The following MDGA2 variants were observed in gnomAD, a reference collection of about 807,000 sequenced individuals.
MDGA2 encodes the protein MAM domain containing glycosylphosphatidylinositol anchor 2.
A neutral mutation model predicts 117.8 loss-of-function variants in MDGA2; 40 were observed. The observed-to-expected ratio is 0.34, with a 90% confidence interval of 0.26 to 0.44. The LOEUF is 0.44. Among genes scored for constraint, MDGA2 ranks in the 20% least tolerant of loss-of-function variants. The pLI is 1.00. For synonymous variants in MDGA2, 452 were observed against 439.0 expected (o/e 1.03, Z -0.37); for missense variants, 1,123 against 1,250.6 (o/e 0.90, Z 1.54).
intron 1 of MDGA2, among the ~76,000 whole-genome samples, chr14:47,625,983 G>C (rs950931400): frequency 6.6e-6 from 1 of 152,146 alleles, no homozygotes; most frequent in Non-Finnish European, 1.5e-5. Context: ...TCCAGTCTCT[G>C]TTAATTCCAA....
At chr14:47,453,610 C>T (rs551121729) in intron 1 of MDGA2, among the ~76,000 whole-genome samples, 1 of 152,214 alleles carries the variant, frequency 6.6e-6, no homozygotes, top group African/African-American at 2.4e-5. Flanking sequence ...CAACTCTAAT[C>T]CTCATCTATG....
intron 1 of MDGA2, among the ~76,000 whole-genome samples, chr14:47,390,003 T>C (rs1238031647): frequency 6.6e-6 from 1 of 152,164 alleles, no homozygotes; most frequent in Non-Finnish European, 1.5e-5. Flanking sequence ...CCCATGGAAG[T>C]AGAGGACAGG....
chr14:47,585,938 G>C (rs1338567657), intron 1 of MDGA2, among the ~76,000 whole-genome samples: 2 of 151,798 alleles, frequency 1.3e-5, no homozygotes, highest in African/African-American at 4.8e-5. Flanking sequence ...GAAGGCCTCT[G>C]ACTGGTCAGC....
rs1227414928 is a variant in MDGA2 at position 47,346,954 on chromosome 14, T to A, written c.281-45404A>T. 3.3e-5 allele frequency among the ~76,000 whole-genome samples: 5 copies of A among 152,216 alleles called. No homozygotes were observed. In the South Asian group the frequency reaches 6.2e-4, roughly 19 times the overall value. ...TTTTTAAGAAAGGCTGAAAAAAACT[T>A]GGTACCTATCTGAAAATGGAAAGAT... is the stretch of plus-strand genomic sequence containing the variant. On this transcript the variant is annotated intron_variant, in intron 1 of 16. Coordinates refer to ENST00000399232, the MANE Select transcript of MDGA2 (RefSeq NM_001113498.3).
chr14:46,867,092 T>C lies in MDGA2; in HGVS notation c.2752+6341A>G, dbSNP rs183765544. Among the ~76,000 whole-genome samples, 532 of 152,230 alleles carry C rather than the reference T, an allele frequency of 3.5e-3. 5 individuals carry two copies. The highest frequency in any genetic ancestry group is 0.012 in the African/African-American group (507 of 41,552). ...ATGCTGCTATAAAGACGCATGCACA[T>C]GTATGTTTATTGTGGCACTTTTCAC... On this transcript the variant is annotated intron_variant, in intron 14 of 16. Coordinates refer to ENST00000399232, the MANE Select transcript of MDGA2 (RefSeq NM_001113498.3).
chr14:46,875,608 T>C (rs759812632), intron 12 of MDGA2, among the ~76,000 whole-genome samples: 1 of 151,686 alleles, frequency 6.6e-6, no homozygotes, highest in Non-Finnish European at 1.5e-5. Context: ...ATGCTATCAG[T>C]TGGAAAAATA....
chr14:47,104,168 C>T (rs1287164240), intron 5 of MDGA2, among the ~76,000 whole-genome samples: 2 of 152,120 alleles, frequency 1.3e-5, no homozygotes, highest in African/African-American at 4.8e-5. Flanking sequence ...TAAGACTTTG[C>T]AAAATATAGT....
chr14:47,089,598 T>C (rs1352790469), intron 6 of MDGA2, among the ~76,000 whole-genome samples: 1 of 151,600 alleles, frequency 6.6e-6, no homozygotes, highest in African/African-American at 2.4e-5. Flanking sequence ...GATGGTCTTA[T>C]GTTTTTGTAT....
intron 1 of MDGA2, among the ~76,000 whole-genome samples, chr14:47,540,540 G>GTGTGTATATATATA: frequency 1.3e-4 from 10 of 79,216 alleles, no homozygotes; most frequent in African/African-American, 3.9e-4. Flanking sequence ...GTGTGTGTGT[G>GTGTGTATATATATA]TATATATATA....
At chr14:47,177,663 G>A (rs1029219699) in intron 3 of MDGA2, among the ~76,000 whole-genome samples, 1 of 152,180 alleles carries the variant, frequency 6.6e-6, no homozygotes, top group African/African-American at 2.4e-5. Context: ...CATGAGGGCA[G>A]TGGGGAGGGA....
At chr14:47,099,350 A>C (rs2138989507) in intron 5 of MDGA2, among the ~76,000 whole-genome samples, 1 of 152,068 alleles carries the variant, frequency 6.6e-6, no homozygotes, top group African/African-American at 2.4e-5. Context: ...AGCAAGCTTC[A>C]GTGTAAATCA....
chr14:47,351,076 TA>T (rs1890867882), intron 1 of MDGA2, among the ~76,000 whole-genome samples: 1 of 97,170 alleles, frequency 1.0e-5, no homozygotes, highest in Non-Finnish European at 2.2e-5. Flanking sequence ...CAGGCCCGGC[TA>T]ATTTTTTTTT....
At chr14:46,969,890 A>G (rs1886189269) in intron 8 of MDGA2, among the ~76,000 whole-genome samples, 1 of 148,060 alleles carries the variant, frequency 6.8e-6, no homozygotes, top group Non-Finnish European at 1.5e-5. Flanking sequence ...CTATGTTAAA[A>G]ACCTGCACGT....
At chr14:47,413,670 GTTT>G (rs11422937) in intron 1 of MDGA2, among the ~76,000 whole-genome samples, 1 of 144,946 alleles carries the variant, frequency 6.9e-6, no homozygotes, top group Non-Finnish European at 1.5e-5. Context: ...ATAGTTTTTG[GTTT>G]TTTTTTTTTT....
chr14:47,556,633 T>C (rs1259197685), intron 1 of MDGA2, among the ~76,000 whole-genome samples: 1 of 152,176 alleles, frequency 6.6e-6, no homozygotes, highest in African/African-American at 2.4e-5. Context: ...AACCTTTGCA[T>C]CCCAGTCTGC....
intron 1 of MDGA2, among the ~76,000 whole-genome samples, chr14:47,607,997 A>G (rs941242772): frequency 2.0e-5 from 3 of 152,116 alleles, no homozygotes; most frequent in Admixed American, 2.0e-4. Flanking sequence ...CCTAATAATA[A>G]AAAATACAAA....
chr14:47,397,328 C>T (rs543056328), intron 1 of MDGA2, among the ~76,000 whole-genome samples: 6 of 151,904 alleles, frequency 3.9e-5, no homozygotes, highest in African/African-American at 7.3e-5. Flanking sequence ...TGGGGCCTGT[C>T]GGAGGGTGGG....
chr14:47,204,758 T>C (rs1305320864), intron 3 of MDGA2, among the ~76,000 whole-genome samples: 1 of 151,984 alleles, frequency 6.6e-6, no homozygotes, highest in African/African-American at 2.4e-5. Flanking sequence ...CTAAATGACA[T>C]GCTAAAAAGG....
At chr14:47,381,901 C>G (rs1318715874) in intron 1 of MDGA2, among the ~76,000 whole-genome samples, 3 of 152,068 alleles carry the variant, frequency 2.0e-5, no homozygotes, top group African/African-American at 7.2e-5. Context: ...CCCACATTGC[C>G]AAGACAATCC....
Sources: allele counts gnomAD v4.1 joint callset (sites outside exome capture counted in the v4.1 genomes callset), GRCh38; gene constraint gnomAD v4.1.1; transcripts MANE v1.5; gene names NCBI Gene and HGNC (gene_info 2026-07-23, HGNC 2026-07-21).